SV2C: variants seen among roughly 807,000 people sequenced by gnomAD.
The protein encoded by SV2C is solute carrier family 22 member B3.
A neutral mutation model predicts 79.7 loss-of-function variants in SV2C; 49 were observed. The ratio of observed to expected loss-of-function variants is 0.61; its 90% CI spans 0.49 to 0.78. The LOEUF (loss-of-function observed/expected upper bound fraction) is 0.78, where lower values mean the gene tolerates loss of function less well. Among genes scored for constraint, SV2C ranks in the 30% least tolerant of loss-of-function variants. The pLI, the probability that SV2C is intolerant of heterozygous loss-of-function variation, is 0.00. For synonymous variants in SV2C, 334 were observed against 333.2 expected, an observed-to-expected ratio of 1.00 and a Z score of -0.03; for missense variants, 833 against 912.9, an observed-to-expected ratio of 0.91 and a Z score of 1.13.
intron 2 of SV2C, among the ~76,000 whole-genome samples, chr5:76,167,886 G>T (rs543554080): frequency 2.6e-5 from 4 of 152,150 alleles, no homozygotes; most frequent in Non-Finnish European, 5.9e-5. Flanking sequence ...GTCCTAAAAT[G>T]ATACAGGAAA....
intron 3 of SV2C, among the ~76,000 whole-genome samples, chr5:76,197,637 A>G (rs2112332585): frequency 6.6e-6 from 1 of 151,774 alleles, no homozygotes; most frequent in South Asian, 2.1e-4. Flanking sequence ...GAGGGAAGAA[A>G]TCTATATTGG....
In SV2C at chr5:76,170,679, C is replaced by T. The variant is rs551817170; in HGVS notation, c.581-24240C>T. Among the ~76,000 whole-genome samples the T allele has an allele frequency of 1.4e-4, 21 of 149,700 alleles. No individual in the cohort carries two copies. The East Asian group carries it at 2.5e-3, about 18-fold the overall frequency. ...CCTTCCCAACAGATATTAAAGGCAA[C>T]GTCTTTAATCTAAGACATTATACTG... On this transcript the variant is annotated intron_variant, in intron 2 of 12. Coordinates refer to ENST00000502798, the MANE Select transcript of SV2C (RefSeq NM_014979.4).
chr5:75,960,413 T>C, the SV2C span, among the ~76,000 whole-genome samples: 1 of 152,006 alleles, frequency 6.6e-6, no homozygotes, highest in East Asian at 1.9e-4. Flanking sequence ...TCCTATCACC[T>C]AGTGATGTCA....
downstream of SV2C, among the ~76,000 whole-genome samples, chr5:76,336,904 T>C (rs1749341239): frequency 6.6e-6 from 1 of 152,128 alleles, no homozygotes; most frequent in South Asian, 2.1e-4. Context: ...CAGATAACTT[T>C]AGCAAAAGTC....
At chr5:76,283,111 G>A (rs1358999255) in intron 4 of SV2C, among the ~76,000 whole-genome samples, 1 of 152,098 alleles carries the variant, frequency 6.6e-6, no homozygotes, top group East Asian at 1.9e-4. Context: ...TCAGGAGATC[G>A]AGACCATCCT....
chr5:75,930,371 G>A, the SV2C span, among the ~76,000 whole-genome samples: 311 of 152,296 alleles, frequency 2.0e-3, 1 homozygote, highest in African/African-American at 6.8e-3. Flanking sequence ...CTAGAGGAGC[G>A]CCAGTTTTTT....
chr5:76,223,493 A>G lies in SV2C; in HGVS notation c.913+13606A>G, dbSNP rs1235494725. Among the ~76,000 whole-genome samples the G allele has an allele frequency of 1.3e-3, 44 of 35,168 alleles. 1 individual carries two copies. In the South Asian group the frequency reaches 0.015, roughly 12 times the overall value. 23.1% of individuals were successfully genotyped at this position (35,168 alleles called of 152,430 possible). A position where few individuals can be genotyped will look rare whatever the true frequency, so the allele number is the denominator to read the frequency against. On this transcript the variant is annotated intron_variant, in intron 4 of 12. Transcript: ENST00000502798. The stretch of plus-strand genomic sequence containing the variant: ...TATATATATATATATATATATATAT[A>G]TATGTATATGTATATAAAGATTTCA...
At chr5:76,277,153 A>G (rs1747047493) in intron 4 of SV2C, among the ~76,000 whole-genome samples, 1 of 152,196 alleles carries the variant, frequency 6.6e-6, no homozygotes. Context: ...TACTGGTGGG[A>G]ATTCAAAATG....
intron 2 of SV2C, among the ~76,000 whole-genome samples, chr5:76,172,097 T>G (rs866357512): frequency 8.7e-5 from 2 of 22,910 alleles, no homozygotes; most frequent in Non-Finnish European, 6.8e-5. Flanking sequence ...CCAGCCGCCC[T>G]GTCCGGGAGG....
chr5:76,058,991 C>A, the SV2C span, among the ~76,000 whole-genome samples: 8 of 152,032 alleles, frequency 5.3e-5, no homozygotes, highest in Non-Finnish European at 1.0e-4. Flanking sequence ...GAATCACGTA[C>A]ATTTTTTGGT....
chr5:75,887,951 G>T, the SV2C span, among the ~76,000 whole-genome samples: 2 of 152,136 alleles, frequency 1.3e-5, no homozygotes, highest in Non-Finnish European at 2.9e-5. Flanking sequence ...TTATCTTGAT[G>T]CTGTAGCCAA....
At chr5:75,899,642 A>G in the SV2C span, among the ~76,000 whole-genome samples, 1 of 152,196 alleles carries the variant, frequency 6.6e-6, no homozygotes, top group African/African-American at 2.4e-5. Flanking sequence ...TGTCTCGTTG[A>G]TCTGTCTAAT....
intron 1 of SV2C, among the ~76,000 whole-genome samples, chr5:76,110,143 A>G (rs1389281287): frequency 1.3e-5 from 2 of 152,182 alleles, no homozygotes; most frequent in African/African-American, 4.8e-5. Flanking sequence ...ACTGACTTCT[A>G]TATTTTTTGA....
the SV2C span, among the ~76,000 whole-genome samples, chr5:76,068,752 A>C: frequency 8.2e-3 from 1,245 of 152,334 alleles, 8 homozygotes; most frequent in Middle Eastern, 0.014. Flanking sequence ...AATGTAACTA[A>C]GACAAAATAA....
At chr5:76,272,457 T>C (rs1428518593) in intron 4 of SV2C, among the ~76,000 whole-genome samples, 1 of 152,202 alleles carries the variant, frequency 6.6e-6, no homozygotes, top group East Asian at 1.9e-4. Flanking sequence ...AATACTATTG[T>C]TGGGCTTTTT....
chr5:76,060,922 G>T, the SV2C span, among the ~76,000 whole-genome samples: 1 of 151,950 alleles, frequency 6.6e-6, no homozygotes, highest in East Asian at 1.9e-4. Flanking sequence ...CCACTGTAGG[G>T]TTATTAATTG....
chr5:76,242,546 C>T (rs1280608034), intron 4 of SV2C: 2 of 405,326 alleles, frequency 4.9e-6, no homozygotes, highest in Non-Finnish European at 9.4e-6. Context: ...TTAGGAACCA[C>T]ACTTTAAAAA....
At chr5:76,160,472 A>G (rs1742866078) in intron 2 of SV2C, among the ~76,000 whole-genome samples, 1 of 152,230 alleles carries the variant, frequency 6.6e-6, no homozygotes, top group South Asian at 2.1e-4. Flanking sequence ...CATCTAATGT[A>G]GGAAAAATAT....
At chr5:76,033,454 C>A in the SV2C span, among the ~76,000 whole-genome samples, 2 of 152,292 alleles carry the variant, frequency 1.3e-5, no homozygotes, top group South Asian at 4.2e-4. Context: ...CCAGTTTCAG[C>A]TTTCTACATA....
Sources: gnomAD v4.1 joint callset for allele counts (sites outside exome capture counted in the v4.1 genomes callset) on GRCh38, gnomAD v4.1.1 for gene constraint, MANE v1.5 for transcripts, NCBI Gene and HGNC (gene_info 2026-07-23, HGNC 2026-07-21) for gene names.